The following PIK3R3 variants were observed in gnomAD, a reference collection of about 807,000 sequenced individuals.
PIK3R3 encodes phosphoinositide-3-kinase regulatory subunit 3, also known as phosphatidylinositol 3-kinase regulatory subunit gamma.
Under a neutral mutation model 62.9 loss-of-function variants are expected in PIK3R3, and 64 were observed. That is an observed-to-expected ratio of 1.02 (90% CI 0.83 to 1.25). The LOEUF (loss-of-function observed/expected upper bound fraction) is 1.25, where lower values mean the gene tolerates loss of function less well. Among genes scored for constraint, PIK3R3 ranks in the 50% most tolerant of loss-of-function variants. PIK3R3 has a pLI of 0.00. For missense variants in PIK3R3, 614 were observed against 561.6 expected, an observed-to-expected ratio of 1.09 and a Z score of -0.94; for synonymous variants, 165 against 189.0, an observed-to-expected ratio of 0.87 and a Z score of 1.04.
chr1:46,160,750 G>A, the PIK3R3 span, among the ~76,000 whole-genome samples: 1 of 152,218 alleles, frequency 6.6e-6, no homozygotes, highest in Non-Finnish European at 1.5e-5. Flanking sequence ...CCCCACTTGG[G>A]TGAAATGCCC....
At position 46,132,154 on chromosome 1, in the gene PIK3R3, G is replaced by T. The variant is rs1265339734; in HGVS notation, c.-202C>A. On this transcript the variant is annotated 5_prime_UTR_variant, in exon 1 of 10. Transcript: ENST00000262741. Reference sequence around the variant, plus strand: ...CTACAGAACACAACAAAATGCCCCCGAACTTTCAAGCTATGGGCTTTTCTC... The same window carrying T: ...CTACAGAACACAACAAAATGCCCCCTAACTTTCAAGCTATGGGCTTTTCTC... 2.2e-6 allele frequency: 3 copies of T among 1,349,294 alleles called. No homozygotes were observed. Among genetic ancestry groups the T allele is most frequent in the Non-Finnish European group, 2.9e-6 (3 of 1,049,118 alleles). 83.6% of individuals were successfully genotyped at this position (1,349,294 alleles called of 1,614,324 possible).
intron 6 of PIK3R3, among the ~76,000 whole-genome samples, chr1:46,060,055 G>A (rs1239807467): frequency 3.9e-5 from 6 of 152,082 alleles, no homozygotes; most frequent in Non-Finnish European, 2.9e-5. Flanking sequence ...AGCCGAAATC[G>A]CACCACTGCA....
the PIK3R3 span, among the ~76,000 whole-genome samples, chr1:46,163,927 T>C: frequency 6.6e-6 from 1 of 152,278 alleles, no homozygotes; most frequent in African/African-American, 2.4e-5. Flanking sequence ...TATAACATGA[T>C]TGTGCCCAGA....
intron 1 of PIK3R3, among the ~76,000 whole-genome samples, chr1:46,122,897 A>T (rs1179379342): frequency 6.6e-6 from 1 of 152,100 alleles, no homozygotes. Flanking sequence ...CCTAAAATTT[A>T]ACAAAATACT....
In PIK3R3 at chr1:46,098,488, G is replaced by A. The variant is rs576881056; in HGVS notation, c.107-17738C>T. 2.0e-5 allele frequency among the ~76,000 whole-genome samples: 3 copies of A among 152,328 alleles called. No homozygotes were observed. The South Asian group carries it at 6.2e-4, about 32-fold the overall frequency. ...GTGAATGGGAAAACAAATATCCACA[G>A]AGTGGAATATTGTTTAGCCATAAAA... is the stretch of plus-strand genomic sequence containing the variant. On this transcript the variant is annotated intron_variant, in intron 1 of 9. Transcript: ENST00000262741.
At chr1:46,126,658 T>A (rs1655118064) in intron 1 of PIK3R3, among the ~76,000 whole-genome samples, 1 of 151,762 alleles carries the variant, frequency 6.6e-6, no homozygotes, top group Admixed American at 6.6e-5. Flanking sequence ...TTTAGAAAAA[T>A]TATGCTAACA....
At chr1:46,052,307 C>T (rs528870043) in intron 7 of PIK3R3, among the ~76,000 whole-genome samples, 6 of 152,052 alleles carry the variant, frequency 3.9e-5, no homozygotes, top group East Asian at 1.9e-4. Flanking sequence ...AAAGCAAAAC[C>T]GCAGTAAGCA....
the PIK3R3 span, among the ~76,000 whole-genome samples, chr1:46,140,013 G>A: frequency 6.6e-6 from 1 of 152,086 alleles, no homozygotes; most frequent in African/African-American, 2.4e-5. Flanking sequence ...AAGAGGAATG[G>A]CGTCTCGCTC....
intron 3 of PIK3R3, among the ~76,000 whole-genome samples, chr1:46,068,179 A>G (rs569049873): frequency 6.0e-4 from 92 of 152,366 alleles, no homozygotes; most frequent in South Asian, 1.2e-3. Flanking sequence ...AATTATTTCT[A>G]TTAAATATAC....
At chr1:46,101,509 A>C (rs1571497802) in intron 1 of PIK3R3, among the ~76,000 whole-genome samples, 1 of 152,202 alleles carries the variant, frequency 6.6e-6, no homozygotes. Context: ...GTTTCAAAGA[A>C]GCAAACAAAC....
rs144073412 is a variant in PIK3R3, at chr1:46,097,571, G to A, written c.107-16821C>T. ...GCACAAGGATGTCTGCTCTCACCACGTCTATTCAACACTATAATTAAGATT... is the reference window on the plus strand; with the variant it reads ...GCACAAGGATGTCTGCTCTCACCACATCTATTCAACACTATAATTAAGATT... On this transcript the variant is annotated intron_variant, in intron 1 of 9. Coordinates refer to ENST00000262741, the MANE Select transcript of PIK3R3 (RefSeq NM_003629.4). Among the ~76,000 whole-genome samples, 19 of 152,020 alleles carry A rather than the reference G, an allele frequency of 1.2e-4. No homozygotes were observed. The South Asian group carries it at 1.7e-3, about 13-fold the overall frequency.
At chr1:46,167,257 C>T in the PIK3R3 span, among the ~76,000 whole-genome samples, 1 of 152,242 alleles carries the variant, frequency 6.6e-6, no homozygotes, top group Non-Finnish European at 1.5e-5. Context: ...TCACAGCAGC[C>T]GCGAGAAGGC....
At chr1:46,060,698 A>C (rs778600561) in intron 6 of PIK3R3, among the ~76,000 whole-genome samples, 2 of 152,210 alleles carry the variant, frequency 1.3e-5, no homozygotes, top group Non-Finnish European at 2.9e-5. Context: ...TTTAAGCTAC[A>C]CTGCCTCACA....
chr1:46,046,635 G>A lies in PIK3R3; in HGVS notation c.942-10C>T. 1 of 1,598,706 alleles carries A rather than the reference G, an allele frequency of 6.3e-7. No homozygotes were observed. The highest frequency in any genetic ancestry group is 8.6e-7 in the Non-Finnish European group (1 of 1,166,000). ...TTTGTGATTGAGCCATCTGCCAGAGGAAAGACACCAGTGTCAGTATCCATG... is the reference window on the plus strand; with the variant it reads ...TTTGTGATTGAGCCATCTGCCAGAGAAAAGACACCAGTGTCAGTATCCATG... On this transcript the variant is annotated splice_polypyrimidine_tract_variant and intron_variant, in intron 7 of 9. Coordinates refer to ENST00000262741, the MANE Select transcript of PIK3R3 (RefSeq NM_003629.4).
intron 1 of PIK3R3, among the ~76,000 whole-genome samples, chr1:46,089,449 C>T (rs1050194209): frequency 6.6e-6 from 1 of 152,096 alleles, no homozygotes; most frequent in Non-Finnish European, 1.5e-5. Context: ...GGTGTGGTGG[C>T]TCACGCCTGT....
chr1:46,143,083 C>T, the PIK3R3 span, among the ~76,000 whole-genome samples: 1 of 152,222 alleles, frequency 6.6e-6, no homozygotes. Context: ...CATGTCTCCA[C>T]CCTAAAGAAT....
chr1:46,174,713 G>A, the PIK3R3 span, among the ~76,000 whole-genome samples: 1 of 152,126 alleles, frequency 6.6e-6, no homozygotes, highest in Non-Finnish European at 1.5e-5. Flanking sequence ...CACACACTCA[G>A]AAATCCAAAT....
Position 46,132,561 on chromosome 1 carries a change from C to T in PIK3R3, c.-609G>A. ...GGCCGGAGAAGTCCAGTCAGCTCGG[C>T]TTGTCTGGGCGCTCCCGCCGGGGTG... On this transcript the variant is annotated 5_prime_UTR_variant, in exon 1 of 10. Coordinates refer to ENST00000262741, the MANE Select transcript of PIK3R3 (RefSeq NM_003629.4). 7 of 1,280,342 alleles carry T rather than the reference C, an allele frequency of 5.5e-6. No individual in the cohort carries two copies. The highest frequency in any genetic ancestry group is 1.5e-5 in the African/African-American group (1 of 65,780). 79.3% of individuals were successfully genotyped at this position (1,280,342 alleles called of 1,614,324 possible). A position where few individuals can be genotyped will look rare whatever the true frequency, so the allele number is the denominator to read the frequency against.
chr1:46,164,067 C>T, the PIK3R3 span, among the ~76,000 whole-genome samples: 2 of 152,162 alleles, frequency 1.3e-5, 1 homozygote, highest in East Asian at 3.8e-4. Context: ...GAACAAACAA[C>T]CAGCACTGAC....
Sources: gnomAD v4.1 joint callset for allele counts (sites outside exome capture counted in the v4.1 genomes callset) on GRCh38, gnomAD v4.1.1 for gene constraint, MANE v1.5 for transcripts, NCBI Gene and HGNC (gene_info 2026-07-23, HGNC 2026-07-21) for gene names.